The following IGSF3 variants were observed in gnomAD, a reference collection of about 807,000 sequenced individuals.
IGSF3 encodes the protein immunoglobulin superfamily member 3.
Under a neutral mutation model 114.4 loss-of-function variants are expected in IGSF3, and 23 were observed. That is an observed-to-expected ratio of 0.20 (90% CI 0.14 to 0.28). IGSF3 has a LOEUF of 0.28. IGSF3 is among the 10% of genes least tolerant of loss of function. The pLI is 1.00. For synonymous variants in IGSF3, 571 were observed against 645.2 expected, an observed-to-expected ratio of 0.88 and a Z score of 1.74; for missense variants, 1,172 against 1,591.5, an observed-to-expected ratio of 0.74 and a Z score of 4.48.
Position 116,610,692 on chromosome 1 carries a change from T to C in IGSF3, c.833-2361A>G, listed in dbSNP as rs753572665. On this transcript the variant is annotated intron_variant, in intron 4 of 10. Coordinates refer to ENST00000369486, the MANE Select transcript of IGSF3 (RefSeq NM_001007237.3). This position sits in a 1 kb window ranked among gnomAD's most constrained non-coding sequence, Gnocchi z 4.3. ...GGCCTGCCCACTCTGTTCCACTCTC[T>C]CACCTGCTTCTCTGGTCACCTCTTA... is the stretch of plus-strand genomic sequence containing the variant. 2.0e-5 allele frequency among the ~76,000 whole-genome samples: 3 copies of C among 152,134 alleles called. No individual in the cohort carries two copies. The highest frequency in any genetic ancestry group is 4.8e-5 in the African/African-American group (2 of 41,410).
In IGSF3 at chr1:116,594,601, G is replaced by A. The variant is rs1219749183; in HGVS notation, c.2029+5340C>T. On this transcript the variant is annotated intron_variant, in intron 7 of 10. Coordinates refer to ENST00000369486, the MANE Select transcript of IGSF3 (RefSeq NM_001007237.3). The surrounding 1 kb of genome is among the most constrained non-coding windows in gnomAD (Gnocchi z 5.2). The stretch of plus-strand genomic sequence containing the variant: ...CAATTTTATAAAGACACTTGCCCAA[G>A]GTCACACAGCTGGCTTAGTGGTAGA... 6.6e-6 allele frequency among the ~76,000 whole-genome samples: 1 copy of A among 152,140 alleles called. No individual in the cohort carries two copies. The highest frequency in any genetic ancestry group is 6.5e-5 in the Admixed American group (1 of 15,278).
chr1:116,613,363 G>C (rs989752851), intron 4 of IGSF3, among the ~76,000 whole-genome samples: 34 of 152,314 alleles, frequency 2.2e-4, no homozygotes, highest in South Asian at 1.9e-3. Context: ...AATGAAACCA[G>C]ATGGGTACCT....
chr1:116,645,238 G>A (rs1648307701), intron 2 of IGSF3, among the ~76,000 whole-genome samples: 1 of 152,264 alleles, frequency 6.6e-6, no homozygotes, highest in Non-Finnish European at 1.5e-5. Flanking sequence ...TGTGCTGAGT[G>A]AGAGAAGCCA....
At position 116,577,871 on chromosome 1, in the gene IGSF3, A is replaced by G. The variant is rs939447671; in HGVS notation, c.3335-309T>C. 9.9e-5 allele frequency among the ~76,000 whole-genome samples: 15 copies of G among 152,204 alleles called. No individual in the cohort carries two copies. Among genetic ancestry groups the G allele is most frequent in the African/African-American group, 3.4e-4 (14 of 41,446 alleles). Reference sequence around the variant, plus strand: ...ATTGATTGTGAACTCAACTGCATCTAGAATGGTGAAGAAGCTGCTCTGGTT... The same window carrying G: ...ATTGATTGTGAACTCAACTGCATCTGGAATGGTGAAGAAGCTGCTCTGGTT... On this transcript the variant is annotated intron_variant, in intron 10 of 10. Transcript: ENST00000369486. The surrounding 1 kb of genome is among the most constrained non-coding windows in gnomAD (Gnocchi z 5.7).
intron 9 of IGSF3, among the ~76,000 whole-genome samples, chr1:116,580,407 T>C (rs975383777): frequency 6.6e-6 from 1 of 152,226 alleles, no homozygotes; most frequent in Non-Finnish European, 1.5e-5. Flanking sequence ...CCCTCCAAAT[T>C]AATATGCTGA....
chr1:116,595,661 G>A lies in IGSF3; in HGVS notation c.2029+4280C>T, dbSNP rs189304293. Among the ~76,000 whole-genome samples the A allele has an allele frequency of 2.4e-3, 368 of 152,332 alleles. No individual in the cohort carries two copies. The highest frequency in any genetic ancestry group is 4.1e-3 in the Non-Finnish European group (281 of 68,036). On this transcript the variant is annotated intron_variant, in intron 7 of 10. Coordinates refer to ENST00000369486, the MANE Select transcript of IGSF3 (RefSeq NM_001007237.3). The surrounding 1 kb of genome is among the most constrained non-coding windows in gnomAD (Gnocchi z 4.2). ...ACCACTAGAGGCTGTCCTCATGGAAGCTTGTTTATGGCTTTGTCAATTTTA... is the reference window on the plus strand; with the variant it reads ...ACCACTAGAGGCTGTCCTCATGGAAACTTGTTTATGGCTTTGTCAATTTTA...
Position 116,664,433 on chromosome 1 carries a change from T to C in IGSF3, c.43+1851A>G, listed in dbSNP as rs1010033869. 5.9e-5 allele frequency among the ~76,000 whole-genome samples: 9 copies of C among 152,112 alleles called. No individual in the cohort carries two copies. The highest frequency in any genetic ancestry group is 1.9e-4 in the African/African-American group (8 of 41,414). On this transcript the variant is annotated intron_variant, in intron 2 of 10. Transcript: ENST00000369486. This position sits in a 1 kb window ranked among gnomAD's most constrained non-coding sequence, Gnocchi z 4.6. ...AGCCAGAAGAAACAAAAGGCACAAA[T>C]GTCACATTGCCTTGTTTTCCCATTG...
Position 116,664,420 on chromosome 1 carries a change from C to T in IGSF3, c.43+1864G>A, listed in dbSNP as rs891725804. On this transcript the variant is annotated intron_variant, in intron 2 of 10. Transcript: ENST00000369486. This position sits in a 1 kb window ranked among gnomAD's most constrained non-coding sequence, Gnocchi z 4.6. ...ACATTACTTGAGCAGCCAGAAGAAA[C>T]AAAAGGCACAAATGTCACATTGCCT... Among the ~76,000 whole-genome samples, 1 of 152,160 alleles carries T rather than the reference C, an allele frequency of 6.6e-6. No individual in the cohort carries two copies. The highest frequency in any genetic ancestry group is 6.6e-5 in the Admixed American group (1 of 15,264).
rs977410648 is a variant in IGSF3, at chr1:116,594,150, A to C, written c.2030-5046T>G. 1.3e-5 allele frequency among the ~76,000 whole-genome samples: 2 copies of C among 152,230 alleles called. No homozygotes were observed. The highest frequency in any genetic ancestry group is 2.9e-5 in the Non-Finnish European group (2 of 68,036). On this transcript the variant is annotated intron_variant, in intron 7 of 10. Coordinates refer to ENST00000369486, the MANE Select transcript of IGSF3 (RefSeq NM_001007237.3). The surrounding 1 kb of genome is among the most constrained non-coding windows in gnomAD (Gnocchi z 5.2). ...CCCTGTCAGGATGGCAGTCCTGCTCATGGTGCCAAGTCTGATACAGTGACT... is the reference window on the plus strand; with the variant it reads ...CCCTGTCAGGATGGCAGTCCTGCTCCTGGTGCCAAGTCTGATACAGTGACT...
chr1:116,607,168 T>A lies in IGSF3; in HGVS notation c.1222+774A>T, dbSNP rs986295429. Among the ~76,000 whole-genome samples the A allele has an allele frequency of 6.6e-6, 1 of 152,238 alleles. No homozygotes were observed. The highest frequency in any genetic ancestry group is 2.4e-5 in the African/African-American group (1 of 41,446). ...ATCAGAGCATTATAGGTTTTTATTC[T>A]CTTTACTAAAAACAGAACTATGGGA... On this transcript the variant is annotated intron_variant, in intron 5 of 10. Coordinates refer to ENST00000369486, the MANE Select transcript of IGSF3 (RefSeq NM_001007237.3). The surrounding 1 kb of genome is among the most constrained non-coding windows in gnomAD (Gnocchi z 6.1).
intron 2 of IGSF3, among the ~76,000 whole-genome samples, chr1:116,635,483 C>T (rs6674555): frequency 0.05 from 7,638 of 152,220 alleles, 607 homozygotes; most frequent in African/African-American, 0.17. Flanking sequence ...CTCCTGTAGC[C>T]ACAGATTGTC....
chr1:116,653,155 A>T (rs1472548401), intron 2 of IGSF3, among the ~76,000 whole-genome samples: 8 of 152,248 alleles, frequency 5.3e-5, no homozygotes, highest in Non-Finnish European at 7.3e-5. Flanking sequence ...GAATGTCTTA[A>T]GAGATTAGTT....
chr1:116,606,290 G>A (rs954653943), intron 5 of IGSF3, among the ~76,000 whole-genome samples: 5 of 152,250 alleles, frequency 3.3e-5, no homozygotes, highest in African/African-American at 1.2e-4. Context: ...AATCAGCTCT[G>A]TCACTTCCTG....
Position 116,651,772 on chromosome 1 carries a change from AC to A in IGSF3, c.43+14511del, listed in dbSNP as rs1319392037. Among the ~76,000 whole-genome samples, 2 of 152,140 alleles carry A rather than the reference AC, an allele frequency of 1.3e-5. No individual in the cohort carries two copies. On this transcript the variant is annotated intron_variant, in intron 2 of 10. Transcript: ENST00000369486. The surrounding 1 kb of genome is among the most constrained non-coding windows in gnomAD (Gnocchi z 4.4). Reference sequence around the variant, plus strand: ...CACCATGACAAACAACACAGAAGTAACCCCTATCTTAATGGAACTTAAAATC... The same window carrying A: ...CACCATGACAAACAACACAGAAGTAACCCTATCTTAATGGAACTTAAAATC...
At chr1:116,586,345 A>G (rs973754194) in intron 8 of IGSF3, among the ~76,000 whole-genome samples, 1 of 152,208 alleles carries the variant, frequency 6.6e-6, no homozygotes, top group African/African-American at 2.4e-5. Flanking sequence ...TCAGGGTTGA[A>G]AGGTTATTTT....
rs1331928945 is a variant in IGSF3 at position 116,625,002 on chromosome 1, C to T, written c.44-8545G>A. ...CCCAGCCTTGGAACTTCCAGCCATG[C>T]CTGCTGTGCCTCTAAATTCTCGACC... On this transcript the variant is annotated intron_variant, in intron 2 of 10. Transcript: ENST00000369486. The surrounding 1 kb of genome is among the most constrained non-coding windows in gnomAD (Gnocchi z 4.7). Among the ~76,000 whole-genome samples the T allele has an allele frequency of 6.6e-6, 1 of 152,242 alleles. No individual in the cohort carries two copies. The highest frequency in any genetic ancestry group is 1.9e-4 in the East Asian group (1 of 5,196).
intron 2 of IGSF3, among the ~76,000 whole-genome samples, chr1:116,640,231 AC>A (rs951618999): frequency 1.3e-4 from 20 of 152,280 alleles, no homozygotes; most frequent in African/African-American, 4.3e-4. Context: ...TGAATAAGGA[AC>A]CATTTACACA....
At chr1:116,666,993 A>G in intron 1 of IGSF3, 37 bp from the exon 2 acceptor site, 1 of 399,516 alleles carries the variant, frequency 2.5e-6, no homozygotes, top group Non-Finnish European at 4.4e-6. Flanking sequence ...ATCAAAGGCA[A>G]AGCTGCAAAA....
Position 116,632,299 on chromosome 1 carries a change from T to C in IGSF3, c.44-15842A>G, listed in dbSNP as rs1415329957. Among the ~76,000 whole-genome samples the C allele has an allele frequency of 1.3e-5, 2 of 152,156 alleles. No individual in the cohort carries two copies. Among genetic ancestry groups the C allele is most frequent in the Non-Finnish European group, 2.9e-5 (2 of 68,016 alleles). ...AACCTCCCACCCCACCTAGTGCTGA[T>C]AACAGGAGTTATCAGTTGCTTTTTG... On this transcript the variant is annotated intron_variant, in intron 2 of 10. Transcript: ENST00000369486. The surrounding 1 kb of genome is among the most constrained non-coding windows in gnomAD (Gnocchi z 5.1).
Sources: allele counts gnomAD v4.1 joint callset (sites outside exome capture counted in the v4.1 genomes callset), GRCh38; gene constraint gnomAD v4.1.1; non-coding constraint Gnocchi (gnomAD v3.1); transcripts MANE v1.5; gene names NCBI Gene and HGNC (gene_info 2026-07-23, HGNC 2026-07-21).